Variants in PTPRQ observed in about 807,000 individuals in gnomAD.
PTPRQ encodes protein tyrosine phosphatase receptor type Q.
Under a neutral mutation model 246.0 loss-of-function variants are expected in PTPRQ, and 199 were observed. The ratio of observed to expected loss-of-function variants is 0.81; its 90% CI spans 0.72 to 0.91. The LOEUF is 0.91. PTPRQ is among the 40% of genes least tolerant of loss of function. The pLI, the probability that PTPRQ is intolerant of heterozygous loss-of-function variation, is 0.00. For missense variants in PTPRQ, 2,624 were observed against 2,528.4 expected (o/e 1.04, Z -0.81); for synonymous variants, 869 against 853.2 (o/e 1.02, Z -0.32).
intron 25 of PTPRQ, among the ~76,000 whole-genome samples, chr12:80,577,475 G>T (rs1335392225): frequency 6.6e-6 from 1 of 152,140 alleles, no homozygotes; most frequent in African/African-American, 2.4e-5. Flanking sequence ...TCCCTCCCAT[G>T]ACATATGGGG....
chr12:80,643,856 C>T (rs984873394), intron 35 of PTPRQ, among the ~76,000 whole-genome samples: 2 of 152,138 alleles, frequency 1.3e-5, no homozygotes, highest in Non-Finnish European at 2.9e-5. Flanking sequence ...GAAATAGATT[C>T]TTCACAAATT....
intron 8 of PTPRQ, among the ~76,000 whole-genome samples, chr12:80,474,577 T>G (rs1189154980): frequency 6.6e-6 from 1 of 152,218 alleles, no homozygotes. Context: ...TATATGTCTC[T>G]TAATATTTTG....
chr12:80,502,761 A>T (rs946596453), intron 14 of PTPRQ, among the ~76,000 whole-genome samples: 5 of 151,914 alleles, frequency 3.3e-5, no homozygotes, highest in African/African-American at 4.8e-5. Flanking sequence ...CAAAGAGAGG[A>T]ATATTGGCAG....
At chr12:80,637,480 GA>G (rs1159386862) in intron 35 of PTPRQ, among the ~76,000 whole-genome samples, 2 of 152,066 alleles carry the variant, frequency 1.3e-5, no homozygotes, top group African/African-American at 4.8e-5. Context: ...AGCAAAATTG[GA>G]AATATTAGTT....
At chr12:80,658,555 T>A (rs1900521899) in intron 39 of PTPRQ, among the ~76,000 whole-genome samples, 1 of 152,052 alleles carries the variant, frequency 6.6e-6, no homozygotes, top group Admixed American at 6.6e-5. Context: ...ATTCATGGAA[T>A]CTTAAAGAAG....
chr12:80,605,268 G>A, intron 27 of PTPRQ, 88 bp downstream of exon 27: 3 of 1,472,994 alleles, frequency 2.0e-6, no homozygotes, highest in Non-Finnish European at 2.7e-6. Flanking sequence ...TTTGAATTTT[G>A]GCTCTGTTAG....
intron 10 of PTPRQ, 114 bp downstream of exon 10, chr12:80,493,569 G>C: frequency 7.3e-7 from 1 of 1,362,072 alleles, no homozygotes. Flanking sequence ...TTGGGCTGGA[G>C]TCGGATTTTT....
Position 80,542,864 on chromosome 12 carries a change from G to A in PTPRQ, c.3856G>A (p.Asp1286Asn), listed in dbSNP as rs1896195851. 3.3e-6 allele frequency: 5 copies of A among 1,518,532 alleles called. No individual in the cohort carries two copies. The highest frequency in any genetic ancestry group is 4.4e-6 in the Non-Finnish European group (5 of 1,127,460). 94.1% of individuals were successfully genotyped at this position (1,518,532 alleles called of 1,614,324 possible). Residue 1286 changes from aspartate to asparagine, a missense_variant, in exon 23 of 45, where the codon GAC becomes AAC. Coordinates refer to ENST00000644991, the MANE Select transcript of PTPRQ (RefSeq NM_001145026.2). Reference sequence around the variant, plus strand: ...TTTTAAAATTCATGAACATGAAACTGACACTATATATTATAAGGTAGGTTG... The same window carrying A: ...TTTTAAAATTCATGAACATGAAACTAACACTATATATTATAAGGTAGGTTG... ...YSFKIHEHET[D>N]TIYYKNISGF...
At position 80,669,292 on chromosome 12, in the gene PTPRQ, T is replaced by A. The variant is rs1592779240; in HGVS notation, c.6328-47T>A. On this transcript the variant is annotated intron_variant, in intron 40 of 44. Transcript: ENST00000644991. ...GTAATAACTGTGGTATACATATATATCAATATAACAATGACGCTTATGACT... is the reference window on the plus strand; with the variant it reads ...GTAATAACTGTGGTATACATATATAACAATATAACAATGACGCTTATGACT... 6 of 1,542,322 alleles carry A rather than the reference T, an allele frequency of 3.9e-6. No homozygotes were observed. In the Middle Eastern group the frequency reaches 6.7e-4, roughly 173 times the overall value.
intron 35 of PTPRQ, among the ~76,000 whole-genome samples, chr12:80,637,197 GAT>G (rs764241677): frequency 1.9e-5 from 1 of 52,664 alleles, no homozygotes; most frequent in Non-Finnish European, 4.6e-5. Context: ...AAAAAGAGTA[GAT>G]TTTTTTTTTT....
chr12:80,536,430 G>A (rs1895990141), intron 19 of PTPRQ, among the ~76,000 whole-genome samples: 1 of 152,208 alleles, frequency 6.6e-6, no homozygotes, highest in Non-Finnish European at 1.5e-5. Context: ...GACTAACCTA[G>A]CAGGGAGAAA....
At chr12:80,600,602 A>G (rs1898110432) in intron 26 of PTPRQ, among the ~76,000 whole-genome samples, 1 of 151,782 alleles carries the variant, frequency 6.6e-6, no homozygotes, top group Non-Finnish European at 1.5e-5. Flanking sequence ...GTGCCACTCT[A>G]CTTGCTTGCT....
intron 3 of PTPRQ, among the ~76,000 whole-genome samples, chr12:80,457,247 T>C (rs562018124): frequency 6.6e-6 from 1 of 152,202 alleles, no homozygotes; most frequent in East Asian, 1.9e-4. Flanking sequence ...TTGTAATGTC[T>C]TTTATGTAGT....
intron 24 of PTPRQ, among the ~76,000 whole-genome samples, chr12:80,548,785 A>C (rs977636100): frequency 1.3e-5 from 2 of 152,072 alleles, no homozygotes; most frequent in Admixed American, 1.3e-4. Context: ...AGTTTCTCTA[A>C]TGTGCAGTCA....
chr12:80,507,267 ATT>A (rs1207476830), intron 16 of PTPRQ, among the ~76,000 whole-genome samples: 2 of 152,016 alleles, frequency 1.3e-5, no homozygotes, highest in Non-Finnish European at 2.9e-5. Context: ...TTAGACATAT[ATT>A]ATGCTAAGAA....
intron 38 of PTPRQ, among the ~76,000 whole-genome samples, chr12:80,656,927 C>T (rs1051171681): frequency 2.1e-5 from 3 of 143,896 alleles, no homozygotes; most frequent in African/African-American, 7.6e-5. Flanking sequence ...TACTTAAAAC[C>T]AGAAAAATCC....
In PTPRQ at chr12:80,588,406, C is replaced by T. The variant is rs1232681877; in HGVS notation, c.4563C>T (p.Gly1521=). The change falls in exon 26 of 45, where the codon GGC becomes GGT. Residue 1521 remains glycine, a synonymous_variant. Coordinates refer to ENST00000644991, the MANE Select transcript of PTPRQ (RefSeq NM_001145026.2). Reference sequence around the variant, plus strand: ...AAGTGGCTGCCAGCACCAATGCTGGCTATGGCAATGCTTCAAACTGGATTT... The same window carrying T: ...AAGTGGCTGCCAGCACCAATGCTGGTTATGGCAATGCTTCAAACTGGATTT... ...RFQVAASTNA[G]YGNASNWIST... The T allele has an allele frequency of 8.6e-6, 13 of 1,515,154 alleles. No individual in the cohort carries two copies. Among genetic ancestry groups the T allele is most frequent in the Middle Eastern group, 1.7e-4 (1 of 5,818 alleles). The allele number at this position is 1,515,154 out of a possible 1,614,324, so 93.9% of individuals were successfully genotyped here.
In PTPRQ at chr12:80,496,415, T is replaced by C; in HGVS notation, c.2156T>C (p.Ile719Thr). The change falls in exon 14 of 45, where the codon ATA becomes ACA. Residue 719 changes from isoleucine to threonine, a missense_variant. Coordinates refer to ENST00000644991, the MANE Select transcript of PTPRQ (RefSeq NM_001145026.2). The part of the protein sequence containing the change: ...LYMKNTSTTD[I>T]ILRNLRPHTL... ...ATGAAGAACACATCAACAACAGACATAATATTAAGGAACTTAAGACCTCAC... is the reference window on the plus strand; with the variant it reads ...ATGAAGAACACATCAACAACAGACACAATATTAAGGAACTTAAGACCTCAC... The C allele has an allele frequency of 6.4e-7, 1 of 1,550,764 alleles. No homozygotes were observed. The highest frequency in any genetic ancestry group is 8.7e-7 in the Non-Finnish European group (1 of 1,146,432).
chr12:80,565,917 G>A (rs1896964367), intron 25 of PTPRQ, among the ~76,000 whole-genome samples: 1 of 152,108 alleles, frequency 6.6e-6, no homozygotes, highest in African/African-American at 2.4e-5. Context: ...ACACGCATAA[G>A]TTGCAGCCAC....
Sources: gnomAD v4.1 joint callset for allele counts (sites outside exome capture counted in the v4.1 genomes callset) on GRCh38, gnomAD v4.1.1 for gene constraint, MANE v1.5 for transcripts, NCBI Gene and HGNC (gene_info 2026-07-23, HGNC 2026-07-21) for gene names.